Variants in FHIT observed in about 807,000 individuals in gnomAD.
The protein encoded by FHIT is bis(5'-adenosyl)-triphosphatase.
Under a neutral mutation model 17.9 loss-of-function variants are expected in FHIT, and 19 were observed. The ratio of observed to expected loss-of-function variants is 1.06; its 90% CI spans 0.74 to 1.56. FHIT has a LOEUF of 1.56. Among genes scored for constraint, FHIT ranks in the 40% most tolerant of loss-of-function variants. FHIT has a pLI of 0.00. For missense variants in FHIT, 248 were observed against 189.2 expected (o/e 1.31, Z -1.82); for synonymous variants, 81 against 69.7 (o/e 1.16, Z -0.81).
At chr3:60,167,919 C>T (rs1701249488) in intron 5 of FHIT, among the ~76,000 whole-genome samples, 1 of 151,958 alleles carries the variant, frequency 6.6e-6, no homozygotes, top group African/African-American at 2.4e-5. Context: ...GTAGTCCCAG[C>T]TTTTTGGAGG....
intron 5 of FHIT, among the ~76,000 whole-genome samples, chr3:60,485,804 A>G (rs2033813747): frequency 6.6e-6 from 1 of 152,072 alleles, no homozygotes; most frequent in African/African-American, 2.4e-5. Flanking sequence ...GAAATGGACA[A>G]CTCTCTAGAA....
chr3:60,111,800 C>T (rs1394853042), intron 5 of FHIT, among the ~76,000 whole-genome samples: 1 of 152,196 alleles, frequency 6.6e-6, no homozygotes, highest in Non-Finnish European at 1.5e-5. Flanking sequence ...ACATACCGAG[C>T]CTTCTGTTAA....
intron 8 of FHIT, among the ~76,000 whole-genome samples, chr3:59,842,924 A>G (rs985595173): frequency 1.3e-5 from 2 of 152,094 alleles, no homozygotes; most frequent in African/African-American, 2.4e-5. Flanking sequence ...AGTCCAATTC[A>G]TCTATTTTTC....
In FHIT at chr3:59,942,661, T is replaced by C. The variant is rs531138329; in HGVS notation, c.280-20247A>G. On this transcript the variant is annotated intron_variant, in intron 7 of 9. Transcript: ENST00000492590. The stretch of plus-strand genomic sequence containing the variant: ...TTACAGCCCTTAGTTCTTTTTTTAT[T>C]TTTTAGAGACACGGTCTTGCTCTGT... Among the ~76,000 whole-genome samples the C allele has an allele frequency of 6.6e-5, 10 of 152,274 alleles. No individual in the cohort carries two copies. In the East Asian group the frequency reaches 7.7e-4, roughly 12 times the overall value.
At chr3:60,377,496 A>G (rs1576564606) in intron 5 of FHIT, among the ~76,000 whole-genome samples, 2 of 57,258 alleles carry the variant, frequency 3.5e-5, no homozygotes, top group East Asian at 7.4e-4. Flanking sequence ...TTTTTTTGAG[A>G]CGGAGTCTCG....
At position 60,396,831 on chromosome 3, in the gene FHIT, T is replaced by C. The variant is rs933574121; in HGVS notation, c.103+140029A>G. On this transcript the variant is annotated intron_variant, in intron 5 of 9. Coordinates refer to ENST00000492590, the MANE Select transcript of FHIT (RefSeq NM_002012.4). Reference sequence around the variant, plus strand: ...AATAACTTATTTCAAAATGAAAAAATAGAAAGTTTAAATTCAAGGATACAT... The same window carrying C: ...AATAACTTATTTCAAAATGAAAAAACAGAAAGTTTAAATTCAAGGATACAT... Among the ~76,000 whole-genome samples the C allele has an allele frequency of 6.6e-5, 10 of 152,228 alleles. 1 individual carries two copies. Among genetic ancestry groups the C allele is most frequent in the Admixed American group, 4.6e-4 (7 of 15,284 alleles).
At position 59,840,469 on chromosome 3, in the gene FHIT, T is replaced by C. The variant is rs1008094557; in HGVS notation, c.348+81877A>G. Among the ~76,000 whole-genome samples, 12 of 151,708 alleles carry C rather than the reference T, an allele frequency of 7.9e-5. No individual in the cohort carries two copies. In the East Asian group the frequency reaches 2.1e-3, roughly 27 times the overall value. ...TCTCTTCATTTTTGAATGTTGGCAA[T>C]GAATTCAAATTATCTTTAACCCATT... On this transcript the variant is annotated intron_variant, in intron 8 of 9. Transcript: ENST00000492590.
Position 60,707,642 on chromosome 3 carries a change from G to A in FHIT, c.-18+114277C>T, listed in dbSNP as rs532678487. Among the ~76,000 whole-genome samples the A allele has an allele frequency of 7.0e-4, 107 of 152,274 alleles. 1 individual carries two copies. The highest frequency in any genetic ancestry group is 2.6e-3 in the African/African-American group (107 of 41,554). ...CAATTAGAGTCCAGCAGTCTCTTCTGGAAGTGCCAATTACTGTTCTGTCTT... is the reference window on the plus strand; with the variant it reads ...CAATTAGAGTCCAGCAGTCTCTTCTAGAAGTGCCAATTACTGTTCTGTCTT... On this transcript the variant is annotated intron_variant, in intron 4 of 9. Transcript: ENST00000492590.
chr3:61,024,210 T>C (rs1433077423), intron 3 of FHIT, among the ~76,000 whole-genome samples: 3 of 152,022 alleles, frequency 2.0e-5, no homozygotes, highest in Admixed American at 1.3e-4. Context: ...CTCTTAAAAA[T>C]CTGCTAGTGA....
rs183769744 is a variant in FHIT at position 60,186,614 on chromosome 3, C to A, written c.104-172462G>T. Among the ~76,000 whole-genome samples the A allele has an allele frequency of 5.9e-5, 9 of 152,166 alleles. No individual in the cohort carries two copies. In the East Asian group the frequency reaches 1.2e-3, roughly 20 times the overall value. On this transcript the variant is annotated intron_variant, in intron 5 of 9. Coordinates refer to ENST00000492590, the MANE Select transcript of FHIT (RefSeq NM_002012.4). ...CGGAGGTGGGCTGCGTACAGAACAC[C>A]CTGCATCTCCTAAATGGTTTATAAT...
At chr3:59,887,878 C>A (rs2106991496) in intron 8 of FHIT, among the ~76,000 whole-genome samples, 1 of 152,292 alleles carries the variant, frequency 6.6e-6, no homozygotes, top group Non-Finnish European at 1.5e-5. Context: ...GTATTCCTGT[C>A]CATGGTCTCT....
chr3:60,384,179 A>C (rs778174179), intron 5 of FHIT, among the ~76,000 whole-genome samples: 57 of 151,966 alleles, frequency 3.8e-4, no homozygotes, highest in Non-Finnish European at 7.4e-4. Flanking sequence ...GAGGCAGGGG[A>C]ATCACTTGAA....
At chr3:60,004,950 G>C (rs894997350) in intron 7 of FHIT, among the ~76,000 whole-genome samples, 2 of 152,266 alleles carry the variant, frequency 1.3e-5, no homozygotes, top group Admixed American at 6.5e-5. Flanking sequence ...CAAGAGACAG[G>C]ATACTCTTAA....
At chr3:60,063,079 T>C (rs879098491) in intron 5 of FHIT, among the ~76,000 whole-genome samples, 4 of 152,146 alleles carry the variant, frequency 2.6e-5, no homozygotes, top group South Asian at 2.1e-4. Context: ...TGCAAACAAA[T>C]TGCACATCCT....
At chr3:60,246,506 T>C (rs1006650556) in intron 5 of FHIT, among the ~76,000 whole-genome samples, 1 of 152,056 alleles carries the variant, frequency 6.6e-6, no homozygotes, top group Non-Finnish European at 1.5e-5. Context: ...ATGGGAGTCT[T>C]TAATTAGGAA....
In FHIT at chr3:61,216,230, T is replaced by C. The variant is rs1216328955; in HGVS notation, c.-212-15565A>G. 4.6e-5 allele frequency among the ~76,000 whole-genome samples: 7 copies of C among 152,192 alleles called. No homozygotes were observed. The East Asian group carries it at 1.3e-3, about 29-fold the overall frequency. On this transcript the variant is annotated intron_variant, in intron 1 of 9. Coordinates refer to ENST00000492590, the MANE Select transcript of FHIT (RefSeq NM_002012.4). ...CAACCTACAGAATCGGAGAAAATGT[T>C]TGCAACCTACTCATTTGACAAAGGG...
At chr3:59,853,021 A>G (rs920793010) in intron 8 of FHIT, among the ~76,000 whole-genome samples, 1 of 151,662 alleles carries the variant, frequency 6.6e-6, no homozygotes, top group Non-Finnish European at 1.5e-5. Flanking sequence ...TATGTTTTCA[A>G]CTCCTTTGAG....
intron 5 of FHIT, among the ~76,000 whole-genome samples, chr3:60,159,974 G>A (rs1443409075): frequency 6.6e-6 from 1 of 152,110 alleles, no homozygotes; most frequent in Non-Finnish European, 1.5e-5. Flanking sequence ...ATACAAACAA[G>A]GCAGTAAAAA....
intron 2 of FHIT, among the ~76,000 whole-genome samples, chr3:61,166,493 G>A (rs147608320): frequency 2.6e-4 from 39 of 152,262 alleles, no homozygotes; most frequent in African/African-American, 9.1e-4. Context: ...GGTTCTTATT[G>A]TCTCTACTTA....
Sources: gnomAD v4.1 joint callset for allele counts (sites outside exome capture counted in the v4.1 genomes callset) on GRCh38, gnomAD v4.1.1 for gene constraint, MANE v1.5 for transcripts, NCBI Gene and HGNC (gene_info 2026-07-23, HGNC 2026-07-21) for gene names.